Variants in NUP210 observed in about 807,000 individuals in gnomAD.
NUP210 encodes the protein nuclear pore membrane glycoprotein 210.
In NUP210, 151 loss-of-function variants were observed where a neutral mutation model predicts 196.0. The observed-to-expected ratio is 0.77, with a 90% CI of 0.67 to 0.88. NUP210 has a LOEUF of 0.88. Ranked by LOEUF, NUP210 falls within the 40% of genes least tolerant of loss-of-function variation. The pLI is 0.00. For missense variants in NUP210, 2,314 were observed against 2,493.7 expected (o/e 0.93, Z 1.53); for synonymous variants, 1,070 against 1,052.7 (o/e 1.02, Z -0.32).
intron 1 of NUP210, among the ~76,000 whole-genome samples, chr3:13,407,065 T>G (rs1700028372): frequency 6.6e-6 from 1 of 152,190 alleles, no homozygotes; most frequent in Non-Finnish European, 1.5e-5. Flanking sequence ...CTAACCTCCC[T>G]GGGCTGCCAC....
At chr3:13,389,347 G>A (rs1480279353) in intron 4 of NUP210, among the ~76,000 whole-genome samples, 1 of 152,194 alleles carries the variant, frequency 6.6e-6, no homozygotes, top group South Asian at 2.1e-4. Context: ...AACATCCAGC[G>A]TGTGCCAGGC....
At position 13,350,260 on chromosome 3, in the gene NUP210, T is replaced by TTG. The variant is rs1357708388; in HGVS notation, c.2835+1617_2835+1618dup. Among the ~76,000 whole-genome samples, 1 of 149,456 alleles carries TTG rather than the reference T, an allele frequency of 6.7e-6. No homozygotes were observed. Among genetic ancestry groups the TTG allele is most frequent in the Non-Finnish European group, 1.5e-5 (1 of 67,666 alleles). On this transcript the variant is annotated intron_variant, in intron 20 of 39. Coordinates refer to ENST00000254508, the MANE Select transcript of NUP210 (RefSeq NM_024923.4). The surrounding 1 kb of genome is among the most constrained non-coding windows in gnomAD (Gnocchi z 4.1). ...CAGCAAAATAACACAGCCTGTGTGT[T>TTG]TGTGTGTGTGTGCGCGTGTGTTTTT...
chr3:13,386,914 G>A (rs1002169241), intron 5 of NUP210, among the ~76,000 whole-genome samples: 3 of 152,154 alleles, frequency 2.0e-5, no homozygotes, highest in Non-Finnish European at 1.5e-5. Flanking sequence ...AGGAAAACCC[G>A]TGGGCAACTT....
chr3:13,344,744 A>T, intron 20 of NUP210: 1 of 163,704 alleles, frequency 6.1e-6, no homozygotes, highest in Non-Finnish European at 1.3e-5. Context: ...CTCCCCCACT[A>T]CACTTACGCT....
intron 1 of NUP210, among the ~76,000 whole-genome samples, chr3:13,401,259 C>CAAAAAAAAAA (rs71066952): frequency 0.015 from 657 of 43,776 alleles, 77 homozygotes; most frequent in South Asian, 0.042. Flanking sequence ...GACTCTGGCT[C>CAAAAAAAAAA]AAAAAAAAAA....
rs200679883 is a variant in NUP210 at position 13,340,024 on chromosome 3, C to G, written c.3301G>C (p.Glu1101Gln). The G allele has an allele frequency of 1.2e-6, 2 of 1,613,808 alleles. No homozygotes were observed. The highest frequency in any genetic ancestry group is 1.7e-6 in the Non-Finnish European group (2 of 1,179,992). The change falls in exon 25 of 40, where the codon GAG becomes CAG. Residue 1101 changes from glutamate (E) to glutamine (Q), a missense_variant. By Grantham distance (29) the Glu-to-Gln change is conservative. Coordinates refer to ENST00000254508, the MANE Select transcript of NUP210 (RefSeq NM_024923.4). The surrounding 1 kb of genome is among the most constrained non-coding windows in gnomAD (Gnocchi z 4.0). ...TTGGACTGAGGCTGGGGGCCGCCCTCGGAGGTGACCTGAGCGGGGAGGAAA... is the reference window on the plus strand; with the variant it reads ...TTGGACTGAGGCTGGGGGCCGCCCTGGGAGGTGACCTGAGCGGGGAGGAAA... Reference protein sequence around the residue: ...LIGATMQVTSEGGPQPQSNIL... With the variant: ...LIGATMQVTSQGGPQPQSNIL...
chr3:13,369,392 C>T (rs1353801604), intron 13 of NUP210, among the ~76,000 whole-genome samples: 1 of 152,000 alleles, frequency 6.6e-6, no homozygotes, highest in Non-Finnish European at 1.5e-5. Flanking sequence ...TCTGTGGTGT[C>T]CTTTGATATA....
chr3:13,326,211 T>C (rs1176880706), intron 32 of NUP210, among the ~76,000 whole-genome samples: 4 of 152,242 alleles, frequency 2.6e-5, no homozygotes, highest in Non-Finnish European at 5.9e-5. Flanking sequence ...ACTCCCTGCC[T>C]GGAATCTCCT....
At chr3:13,364,785 G>A (rs1698475927) in intron 14 of NUP210, among the ~76,000 whole-genome samples, 2 of 152,086 alleles carry the variant, frequency 1.3e-5, no homozygotes, top group Admixed American at 6.5e-5. Context: ...CAGAGATGGC[G>A]CCATTGCACT....
intron 28 of NUP210, among the ~76,000 whole-genome samples, chr3:13,333,267 C>T (rs1697073537): frequency 6.6e-6 from 1 of 152,240 alleles, no homozygotes; most frequent in Admixed American, 6.5e-5. Flanking sequence ...ATGTGTCCAC[C>T]ACCTGTGTAA....
chr3:13,332,145 G>T (rs188892483), intron 29 of NUP210, 148 bp downstream of exon 29: 141 of 631,566 alleles, frequency 2.2e-4, no homozygotes, highest in Non-Finnish European at 3.5e-4. Context: ...GAGAAGAGAA[G>T]GAGCAGGCAG....
At chr3:13,376,156 G>A in intron 10 of NUP210, 135 bp downstream of exon 10, 1 of 810,530 alleles carries the variant, frequency 1.2e-6, no homozygotes, top group Admixed American at 2.4e-5. Context: ...AACCCAGGAT[G>A]CAAGTAGCCC....
Position 13,409,860 on chromosome 3 carries a change from G to A in NUP210, c.168-9999C>T, listed in dbSNP as rs180897511. Among the ~76,000 whole-genome samples the A allele has an allele frequency of 4.1e-3, 607 of 148,996 alleles. 12 individuals carry two copies. The highest frequency in any genetic ancestry group is 5.5e-3 in the Non-Finnish European group (369 of 67,590). The stretch of plus-strand genomic sequence containing the variant: ...TACTAATTTTTTTTTTTTTGGAGAC[G>A]GAGTCTCGTTCTGTCACCCAGGCTG... On this transcript the variant is annotated intron_variant, in intron 1 of 39. Transcript: ENST00000254508.
intron 25 of NUP210, 48 bp downstream of exon 25, chr3:13,339,806 C>G: frequency 6.6e-7 from 1 of 1,523,456 alleles, no homozygotes; most frequent in Middle Eastern, 1.7e-4. Flanking sequence ...AGTAAAGAGG[C>G]TTCTGTCCCA....
intron 20 of NUP210, chr3:13,345,097 C>G (rs1037679563): frequency 1.0e-6 from 1 of 985,432 alleles, no homozygotes; most frequent in Non-Finnish European, 1.2e-6. Flanking sequence ...TAGCCTCCTA[C>G]GAGCACATCT....
chr3:13,343,602 T>C (rs886759828), intron 20 of NUP210, among the ~76,000 whole-genome samples: 1 of 152,154 alleles, frequency 6.6e-6, no homozygotes, highest in Non-Finnish European at 1.5e-5. Flanking sequence ...CTTGCACATT[T>C]TACAAAGAGA....
At chr3:13,412,225 CCTTTT>C (rs1349546065) in intron 1 of NUP210, among the ~76,000 whole-genome samples, 1 of 105,602 alleles carries the variant, frequency 9.5e-6, no homozygotes, top group Non-Finnish European at 1.8e-5. Flanking sequence ...GCTTTATTTT[CCTTTT>C]CTTTTTTTTT....
chr3:13,388,407 A>T lies in NUP210; in HGVS notation c.580T>A (p.Ser194Thr), dbSNP rs766209950. 1 of 1,612,586 alleles carries T rather than the reference A, an allele frequency of 6.2e-7. No homozygotes were observed. Among genetic ancestry groups the T allele is most frequent in the Admixed American group, 1.7e-5 (1 of 59,872 alleles). ...ESTYIPPSYI[S>T]EMEKAAKQGD... ...TGCTTGGCAGCCTTCTCCATCTCTG[A>T]GATGTAAGAAGGAGGGATGTACGTA... is the stretch of plus-strand genomic sequence containing the variant. Residue 194 changes from serine (S) to threonine (T), a missense_variant, in exon 5 of 40, where the codon TCA becomes ACA. Transcript: ENST00000254508.
Position 13,420,062 on chromosome 3 carries a change from G to C in NUP210, c.165C>G (p.Arg55=). Residue 55 remains arginine (R), a splice_region_variant and synonymous_variant, in exon 1 of 40, where the codon CGC becomes CGG. Transcript: ENST00000254508. The surrounding 1 kb of genome is among the most constrained non-coding windows in gnomAD (Gnocchi z 4.8). ...FTLEASEGCY[R]WLSTRPEVAS... ...CCCGGCCCGGCCGCGCGCCTCACCAGCGGTAGCAGCCCTCCGAGGCCTCCA... is the reference window on the plus strand; with the variant it reads ...CCCGGCCCGGCCGCGCGCCTCACCACCGGTAGCAGCCCTCCGAGGCCTCCA... The C allele has an allele frequency of 7.5e-7, 1 of 1,326,430 alleles. No individual in the cohort carries two copies. The allele number at this position is 1,326,430 out of a possible 1,614,324, so 82.2% of individuals were successfully genotyped here. A position where few individuals can be genotyped will look rare whatever the true frequency, so the allele number is the denominator to read the frequency against.
Sources: allele counts gnomAD v4.1 joint callset (sites outside exome capture counted in the v4.1 genomes callset), GRCh38; gene constraint gnomAD v4.1.1; non-coding constraint Gnocchi (gnomAD v3.1); transcripts MANE v1.5; gene names NCBI Gene and HGNC (gene_info 2026-07-23, HGNC 2026-07-21).